The following ZNF385D variants were observed in gnomAD, a reference collection of about 807,000 sequenced individuals.
The protein encoded by ZNF385D is zinc finger protein 385D.
A neutral mutation model predicts 35.8 loss-of-function variants in ZNF385D; 15 were observed. The ratio of observed to expected loss-of-function variants is 0.42; its 90% CI spans 0.28 to 0.64. ZNF385D has a LOEUF of 0.64. ZNF385D is among the 30% of genes least tolerant of loss of function. The pLI is 0.23. For missense variants in ZNF385D, 474 were observed against 494.6 expected (o/e 0.96, Z 0.39); for synonymous variants, 212 against 186.8 (o/e 1.13, Z -1.10).
At chr3:21,893,084 C>T (rs767652250) in intron 3 of ZNF385D, among the ~76,000 whole-genome samples, 4 of 152,092 alleles carry the variant, frequency 2.6e-5, no homozygotes, top group South Asian at 4.1e-4. Context: ...TGAATGGTGG[C>T]TGTAACACTC....
chr3:22,067,953 C>T (rs1398663242), intron 3 of ZNF385D, among the ~76,000 whole-genome samples: 3 of 151,450 alleles, frequency 2.0e-5, no homozygotes, highest in Non-Finnish European at 2.9e-5. Context: ...GCAGAGGTTG[C>T]AGTGAGCCGA....
chr3:22,362,592 G>A (rs1442445033), intron 2 of ZNF385D, among the ~76,000 whole-genome samples: 2 of 151,968 alleles, frequency 1.3e-5, no homozygotes, highest in Non-Finnish European at 2.9e-5. Flanking sequence ...CAGAACATAG[G>A]TTTGAGTACT....
In ZNF385D at chr3:22,110,636, T is replaced by A. The variant is rs1702471247; in HGVS notation, c.325+58181A>T. On this transcript the variant is annotated intron_variant, in intron 3 of 5. Coordinates refer to the ZNF385D transcript ENST00000494108. Reference sequence around the variant, plus strand: ...GGGAACATCACACTCCAGGGCCTGTTGTGGGGTGGGGGGAGTGGGGAGGGA... The same window carrying A: ...GGGAACATCACACTCCAGGGCCTGTAGTGGGGTGGGGGGAGTGGGGAGGGA... Among the ~76,000 whole-genome samples, 4 of 149,968 alleles carry A rather than the reference T, an allele frequency of 2.7e-5. No homozygotes were observed. The South Asian group carries it at 6.4e-4, about 24-fold the overall frequency.
chr3:21,783,477 T>C (rs9818510), intron 3 of ZNF385D, among the ~76,000 whole-genome samples: 142,810 of 152,178 alleles, frequency 0.94, 67,026 homozygotes, highest in East Asian at 0.98. Context: ...TTTGATATAA[T>C]ATTTTTGGAG....
chr3:21,995,291 T>C (rs1005302208), intron 3 of ZNF385D, among the ~76,000 whole-genome samples: 2 of 152,116 alleles, frequency 1.3e-5, no homozygotes, highest in African/African-American at 2.4e-5. Context: ...CAAAAGGCCA[T>C]GTGGGTCAAT....
intron 3 of ZNF385D, among the ~76,000 whole-genome samples, chr3:21,782,473 G>C (rs565636787): frequency 6.6e-6 from 1 of 151,908 alleles, no homozygotes; most frequent in South Asian, 2.1e-4. Context: ...TCTAATTCAG[G>C]GTTGTTTTAT....
chr3:22,249,507 T>G (rs1490752849), intron 2 of ZNF385D, among the ~76,000 whole-genome samples: 1 of 152,204 alleles, frequency 6.6e-6, no homozygotes, highest in Non-Finnish European at 1.5e-5. Flanking sequence ...GAAGTAATTA[T>G]GTAAGACACT....
intron 3 of ZNF385D, among the ~76,000 whole-genome samples, chr3:22,106,696 G>C (rs530829908): frequency 6.6e-6 from 1 of 152,168 alleles, no homozygotes; most frequent in Non-Finnish European, 1.5e-5. Flanking sequence ...CTTGTTGGTT[G>C]TAACCCTTGG....
chr3:21,938,410 G>T (rs6550634), intron 3 of ZNF385D, among the ~76,000 whole-genome samples: 1 of 151,872 alleles, frequency 6.6e-6, no homozygotes, highest in South Asian at 2.1e-4. Flanking sequence ...GGCGGGCAGA[G>T]ATTGGAGAGA....
chr3:22,215,860 G>C (rs1697844443), intron 2 of ZNF385D, among the ~76,000 whole-genome samples: 1 of 151,876 alleles, frequency 6.6e-6, no homozygotes, highest in Admixed American at 6.6e-5. Flanking sequence ...TAGACACCCA[G>C]CTTTACAATT....
intron 3 of ZNF385D, among the ~76,000 whole-genome samples, chr3:22,101,440 T>G (rs1701939307): frequency 6.6e-6 from 1 of 152,082 alleles, no homozygotes; most frequent in African/African-American, 2.4e-5. Flanking sequence ...TGCTGGATGT[T>G]CTCAGAGAGA....
intron 5 of ZNF385D, among the ~76,000 whole-genome samples, chr3:21,428,352 A>G (rs2125208246): frequency 6.6e-6 from 1 of 152,198 alleles, no homozygotes; most frequent in Admixed American, 6.5e-5. Context: ...AGACTCAGAA[A>G]GACTAAGTTA....
At chr3:22,134,887 A>G (rs996211475) in intron 3 of ZNF385D, among the ~76,000 whole-genome samples, 2 of 152,208 alleles carry the variant, frequency 1.3e-5, no homozygotes, top group Non-Finnish European at 2.9e-5. Context: ...CAGAACCCTC[A>G]TAGCCTAGTC....
At chr3:22,203,735 C>T (rs141658188) in intron 2 of ZNF385D, among the ~76,000 whole-genome samples, 8 of 152,064 alleles carry the variant, frequency 5.3e-5, no homozygotes, top group Non-Finnish European at 8.8e-5. Context: ...GACATGGAAG[C>T]AGACTCCTCT....
chr3:21,923,065 G>T (rs529544579), intron 3 of ZNF385D, among the ~76,000 whole-genome samples: 1 of 152,122 alleles, frequency 6.6e-6, no homozygotes, highest in South Asian at 2.1e-4. Flanking sequence ...TTAAGTTTTA[G>T]GGTACATGTG....
At chr3:22,071,594 T>C (rs1383089) in intron 3 of ZNF385D, among the ~76,000 whole-genome samples, 20,292 of 152,186 alleles carry the variant, frequency 0.13, 1,737 homozygotes, top group Non-Finnish European at 0.17. Context: ...CCTGTAATAT[T>C]GCAGAGAATA....
intron 2 of ZNF385D, among the ~76,000 whole-genome samples, chr3:21,639,732 T>G (rs572276389): frequency 6.6e-6 from 1 of 152,162 alleles, no homozygotes; most frequent in African/African-American, 2.4e-5. Context: ...CTCTATATTG[T>G]TCACATAAAA....
chr3:22,005,632 A>C (rs1162679085), intron 3 of ZNF385D, among the ~76,000 whole-genome samples: 2 of 152,120 alleles, frequency 1.3e-5, no homozygotes, highest in African/African-American at 2.4e-5. Flanking sequence ...TATCAATAAG[A>C]ATTAAAATGA....
intron 3 of ZNF385D, among the ~76,000 whole-genome samples, chr3:22,069,812 G>A (rs1364895562): frequency 1.3e-5 from 2 of 152,072 alleles, no homozygotes; most frequent in African/African-American, 4.8e-5. Flanking sequence ...CCATGAAATA[G>A]TCAGACCCAA....
Sources: allele counts gnomAD v4.1 joint callset (sites outside exome capture counted in the v4.1 genomes callset), GRCh38; gene constraint gnomAD v4.1.1; transcripts MANE v1.5; gene names NCBI Gene and HGNC (gene_info 2026-07-23, HGNC 2026-07-21).